GULP1: variants seen among roughly 807,000 people sequenced by gnomAD.
The protein encoded by GULP1 is GULP PTB domain containing engulfment adaptor 1.
In GULP1, 19 loss-of-function variants were observed where a neutral mutation model predicts 40.9. The ratio of observed to expected loss-of-function variants is 0.46; its 90% confidence interval spans 0.32 to 0.68. GULP1 has a LOEUF of 0.68. GULP1 is among the 30% of genes least tolerant of loss of function. GULP1 has a pLI of 0.03. For missense variants in GULP1, 312 were observed against 362.2 expected, an observed-to-expected ratio of 0.86 and a Z score of 1.12; for synonymous variants, 119 against 117.6, an observed-to-expected ratio of 1.01 and a Z score of -0.08.
chr2:188,549,031 A>G (rs1233622295), intron 7 of GULP1, among the ~76,000 whole-genome samples: 1 of 151,906 alleles, frequency 6.6e-6, no homozygotes, highest in Non-Finnish European at 1.5e-5. Flanking sequence ...GGAAATCTTC[A>G]GGATGTAGGG....
Position 188,349,070 on chromosome 2 carries a change from A to AT in GULP1, c.-171-34686dup, listed in dbSNP as rs1333432001. On this transcript the variant is annotated intron_variant, in intron 1 of 11. Coordinates refer to ENST00000409830, the MANE Select transcript of GULP1 (RefSeq NM_016315.4). ...CCCGGAATGCATTCAAAGTTTTGTT[A>AT]TTTTTTTAAACTTCCACAATCCAAG... Among the ~76,000 whole-genome samples, 4 of 152,302 alleles carry AT rather than the reference A, an allele frequency of 2.6e-5. No homozygotes were observed. The East Asian group carries it at 7.7e-4, about 29-fold the overall frequency.
intron 4 of GULP1, among the ~76,000 whole-genome samples, chr2:188,501,774 C>T (rs1415388093): frequency 1.3e-5 from 2 of 151,978 alleles, no homozygotes; most frequent in African/African-American, 2.4e-5. Flanking sequence ...CCCTGTGTCT[C>T]ACCCCTTGGT....
At chr2:188,546,742 A>G (rs1164179723) in intron 7 of GULP1, among the ~76,000 whole-genome samples, 1 of 152,040 alleles carries the variant, frequency 6.6e-6, no homozygotes, top group Non-Finnish European at 1.5e-5. Flanking sequence ...TGGAAAATAC[A>G]GAAAATCAAT....
chr2:188,348,423 A>G (rs993547032), intron 1 of GULP1, among the ~76,000 whole-genome samples: 1 of 152,194 alleles, frequency 6.6e-6, no homozygotes, highest in Non-Finnish European at 1.5e-5. Flanking sequence ...CTGGAGTATC[A>G]TATGAATCTT....
At chr2:188,329,675 T>A (rs1328697980) in intron 1 of GULP1, among the ~76,000 whole-genome samples, 1 of 152,142 alleles carries the variant, frequency 6.6e-6, no homozygotes, top group Non-Finnish European at 1.5e-5. Context: ...GTGTCACTTT[T>A]GCTACTATTT....
intron 4 of GULP1, among the ~76,000 whole-genome samples, chr2:188,499,528 C>G (rs1157746544): frequency 6.6e-6 from 1 of 151,580 alleles, no homozygotes; most frequent in African/African-American, 2.4e-5. Context: ...AATATTACTA[C>G]CTTACATATA....
rs2061126305 is a variant in GULP1, at chr2:188,477,719, G to A, written c.17G>A (p.Ser6Asn). The A allele has an allele frequency of 1.2e-6, 2 of 1,602,638 alleles. No homozygotes were observed. The highest frequency in any genetic ancestry group is 8.5e-7 in the Non-Finnish European group (1 of 1,174,624). MNRAF[S>N]RKKDKTWMHT... Reference sequence around the variant, plus strand: ...ATCCTCATCATGAACCGTGCTTTTAGCAGGAAGAAAGGTAAGTGTGGTCAT... The same window carrying A: ...ATCCTCATCATGAACCGTGCTTTTAACAGGAAGAAAGGTAAGTGTGGTCAT... Residue 6 changes from serine to asparagine, a missense_variant, in exon 3 of 12, where the codon AGC becomes AAC. Physicochemically the swap from Ser to Asn is conservative, Grantham distance 46. Coordinates refer to ENST00000409830, the MANE Select transcript of GULP1 (RefSeq NM_016315.4).
chr2:188,322,192 T>A (rs1227439201), intron 1 of GULP1, among the ~76,000 whole-genome samples: 2 of 152,100 alleles, frequency 1.3e-5, no homozygotes, highest in African/African-American at 4.8e-5. Context: ...AACAACATGA[T>A]CAAAAATTCT....
intron 1 of GULP1, among the ~76,000 whole-genome samples, chr2:188,357,624 C>G (rs748177193): frequency 6.6e-6 from 1 of 152,042 alleles, no homozygotes; most frequent in Non-Finnish European, 1.5e-5. Flanking sequence ...ACAGCTATTA[C>G]AGGAAACAGT....
intron 2 of GULP1, among the ~76,000 whole-genome samples, chr2:188,460,690 G>C (rs2059630678): frequency 6.6e-6 from 1 of 152,120 alleles, no homozygotes; most frequent in Non-Finnish European, 1.5e-5. Flanking sequence ...GTACTGTGTA[G>C]AATAACAGTG....
At chr2:188,368,939 G>GTATATTTATATATA (rs2047200252) in intron 1 of GULP1, among the ~76,000 whole-genome samples, 1 of 86,088 alleles carries the variant, frequency 1.2e-5, no homozygotes, top group Admixed American at 1.4e-4. Flanking sequence ...ATATATGTGT[G>GTATATTTATATATA]TATATATATA....
intron 9 of GULP1, among the ~76,000 whole-genome samples, chr2:188,577,988 T>C (rs1700501864): frequency 6.6e-6 from 1 of 151,916 alleles, no homozygotes; most frequent in Non-Finnish European, 1.5e-5. Flanking sequence ...TATATAAATG[T>C]AAGGGAATTT....
intron 2 of GULP1, among the ~76,000 whole-genome samples, chr2:188,411,704 G>C (rs2053911739): frequency 6.6e-6 from 1 of 152,054 alleles, no homozygotes; most frequent in Non-Finnish European, 1.5e-5. Context: ...CATGTTTCTT[G>C]CAAGTTCCTG....
At chr2:188,391,982 T>A (rs562893015) in intron 2 of GULP1, among the ~76,000 whole-genome samples, 1 of 152,100 alleles carries the variant, frequency 6.6e-6, no homozygotes, top group Admixed American at 6.5e-5. Context: ...GCTGTATTAT[T>A]TTTTTGATGT....
rs187958525 is a variant in GULP1, at chr2:188,563,806, C to T, written c.400-5433C>T. Among the ~76,000 whole-genome samples, 3 of 151,950 alleles carry T rather than the reference C, an allele frequency of 2.0e-5. No individual in the cohort carries two copies. In the East Asian group the frequency reaches 5.8e-4, roughly 29 times the overall value. Reference sequence around the variant, plus strand: ...AAGACTGTGTTACCCTGATTGAAAACATGACAAAGACCTTACAAAAAATGA... The same window carrying T: ...AAGACTGTGTTACCCTGATTGAAAATATGACAAAGACCTTACAAAAAATGA... On this transcript the variant is annotated intron_variant, in intron 7 of 11. Coordinates refer to ENST00000409830, the MANE Select transcript of GULP1 (RefSeq NM_016315.4).
chr2:188,488,568 CAG>C (rs1450092600), intron 4 of GULP1, among the ~76,000 whole-genome samples: 1 of 151,946 alleles, frequency 6.6e-6, no homozygotes, highest in Non-Finnish European at 1.5e-5. Context: ...CATTGAAAAA[CAG>C]AGAATGAACT....
chr2:188,415,608 A>G (rs781095145), intron 2 of GULP1, among the ~76,000 whole-genome samples: 2 of 152,164 alleles, frequency 1.3e-5, no homozygotes, highest in African/African-American at 4.8e-5. Flanking sequence ...GGAGGCACAA[A>G]TAGAAGAACC....
At position 188,498,606 on chromosome 2, in the gene GULP1, A is replaced by G. The variant is rs543338898; in HGVS notation, c.90+15114A>G. Among the ~76,000 whole-genome samples, 5 of 152,024 alleles carry G rather than the reference A, an allele frequency of 3.3e-5. No homozygotes were observed. In the East Asian group the frequency reaches 9.7e-4, roughly 30 times the overall value. On this transcript the variant is annotated intron_variant, in intron 4 of 11. Transcript: ENST00000409830. ...GAACAAATTATTGTTTTCAAGTTTC[A>G]CTATCCTCAAAGGAAAAGATGTTCT... is the stretch of plus-strand genomic sequence containing the variant.
At chr2:188,483,410 T>C (rs1312630269) in intron 3 of GULP1, 21 bp from the exon 4 acceptor site, 2 of 1,354,646 alleles carry the variant, frequency 1.5e-6, no homozygotes, top group Non-Finnish European at 1.0e-6. Context: ...AAAATTTAAC[T>C]CTGTGTATTT....
Sources: gnomAD v4.1 joint callset for allele counts (sites outside exome capture counted in the v4.1 genomes callset) on GRCh38, gnomAD v4.1.1 for gene constraint, MANE v1.5 for transcripts, NCBI Gene and HGNC (gene_info 2026-07-23, HGNC 2026-07-21) for gene names.